Variants in AHI1 observed in about 807,000 individuals in gnomAD.
The protein encoded by AHI1 is jouberin.
Under a neutral mutation model 149.3 loss-of-function variants are expected in AHI1, and 123 were observed. That is an observed-to-expected ratio of 0.82 (90% CI 0.71 to 0.96). The LOEUF is 0.96. Among genes scored for constraint, AHI1 ranks in the 40% least tolerant of loss-of-function variants. The pLI is 0.00. For missense variants in AHI1, 1,439 were observed against 1,422.7 expected, an observed-to-expected ratio of 1.01 and a Z score of -0.18; for synonymous variants, 475 against 459.8, an observed-to-expected ratio of 1.03 and a Z score of -0.42.
At position 135,433,146 on chromosome 6, in the gene AHI1, CCTGTAACTACTAGCT is replaced by C. The variant is rs1305959685; in HGVS notation, c.2132_2146del (p.Glu711_Thr715del). ...TATCCGTATCATGGAATCATAGCAT[CCTGTAACTACTAGCT>C]CTCTTACAGCTGGATGGAATTTAGC... is the stretch of plus-strand genomic sequence containing the variant. On this transcript the variant is annotated inframe_deletion, in exon 16 of 29. Coordinates refer to ENST00000265602, the MANE Select transcript of AHI1 (RefSeq NM_001134831.2). 1.9e-6 allele frequency: 3 copies of C among 1,613,016 alleles called. No homozygotes were observed. The African/African-American group carries it at 4.0e-5, about 22-fold the overall frequency.
Position 135,283,561 on chromosome 6 carries a change from C to T in AHI1, c.*2084G>A, listed in dbSNP as rs1329548132. 1 of 152,124 alleles carries T rather than the reference C, an allele frequency of 6.6e-6. No homozygotes were observed. The highest frequency in any genetic ancestry group is 1.5e-5 in the Non-Finnish European group (1 of 68,020). 9.4% of individuals were successfully genotyped at this position (152,124 alleles called of 1,614,324 possible). A position where few individuals can be genotyped will look rare whatever the true frequency, so the allele number is the denominator to read the frequency against. On this transcript the variant is annotated 3_prime_UTR_variant, in exon 29 of 29. Transcript: ENST00000265602. ...TTATAAGGAAATGTTTAATGCCGTA[C>T]ATCATCAAATGGATTCTGGTGTCTG...
At chr6:135,326,162 C>T (rs1787649555) in intron 24 of AHI1, among the ~76,000 whole-genome samples, 1 of 152,198 alleles carries the variant, frequency 6.6e-6, no homozygotes, top group Admixed American at 6.5e-5. Context: ...TGAATTGTGT[C>T]ACTCAAAATT....
chr6:135,404,884 G>A, intron 22 of AHI1, 67 bp downstream of exon 22: 1 of 1,388,656 alleles, frequency 7.2e-7, no homozygotes, highest in Non-Finnish European at 1.0e-6. Flanking sequence ...TATGAATGGT[G>A]CATTCCAGTT....
chr6:135,353,396 C>T (rs1316415200), intron 24 of AHI1, among the ~76,000 whole-genome samples: 1 of 152,018 alleles, frequency 6.6e-6, no homozygotes, highest in Non-Finnish European at 1.5e-5. Context: ...AGTTTACATA[C>T]TATGAATTCT....
chr6:135,322,209 G>A (rs1476649324), intron 25 of AHI1, among the ~76,000 whole-genome samples: 1 of 152,200 alleles, frequency 6.6e-6, no homozygotes, highest in Non-Finnish European at 1.5e-5. Context: ...TAACTGGGGC[G>A]TATGAGTGTA....
At chr6:135,322,327 C>T (rs1166988168) in intron 25 of AHI1, among the ~76,000 whole-genome samples, 1 of 152,208 alleles carries the variant, frequency 6.6e-6, no homozygotes, top group African/African-American at 2.4e-5. Flanking sequence ...TCTCAAGAAG[C>T]ACTACTGTAC....
At chr6:135,363,556 C>G (rs1794274224) in intron 23 of AHI1, among the ~76,000 whole-genome samples, 2 of 152,144 alleles carry the variant, frequency 1.3e-5, no homozygotes, top group African/African-American at 4.8e-5. Context: ...TCTCAATGAG[C>G]TGTTGGGTAC....
chr6:135,336,720 T>C (rs1177833307), intron 24 of AHI1, among the ~76,000 whole-genome samples: 5 of 152,170 alleles, frequency 3.3e-5, no homozygotes, highest in Admixed American at 1.3e-4. Flanking sequence ...CAGACCTCAG[T>C]TGGGTTTTCT....
chr6:135,428,755 C>T lies in AHI1; in HGVS notation c.2497G>A (p.Val833Ile), dbSNP rs760822611. The T allele has an allele frequency of 1.3e-6, 2 of 1,599,828 alleles. No homozygotes were observed. Among genetic ancestry groups the T allele is most frequent in the African/African-American group, 1.3e-5 (1 of 74,550 alleles). ...GCTGCTCCTACAAACTTCCTTGCTA[C>T]TAATCTACAAGCAAAAAAGATTTTA... ...TLRIMDLRILVARKFVGAANY... is the reference protein window; with the variant it reads ...TLRIMDLRILIARKFVGAANY... Residue 833 changes from valine (V) to isoleucine (I), a missense_variant, in exon 19 of 29, where the codon GTA (valine) becomes ATA (isoleucine). Val to Ile is a conservative substitution (Grantham distance 29). Transcript: ENST00000265602.
intron 23 of AHI1, among the ~76,000 whole-genome samples, chr6:135,382,954 T>TATATATATATAC (rs770394314): frequency 2.0e-5 from 2 of 100,050 alleles, no homozygotes; most frequent in African/African-American, 8.7e-5. Context: ...TATATATATA[T>TATATATATATAC]ACATATAAAA....
intron 27 of AHI1, among the ~76,000 whole-genome samples, chr6:135,293,429 A>AAAAGAAAG (rs1378022445): frequency 3.8e-5 from 5 of 131,926 alleles, no homozygotes; most frequent in African/African-American, 1.2e-4. Context: ...AAAAAAGAAA[A>AAAAGAAAG]AAAGAAAGAA....
rs1280819225 is a variant in AHI1 at position 135,284,370 on chromosome 6, C to T, written c.*1275G>A. 1 of 152,174 alleles carries T rather than the reference C, an allele frequency of 6.6e-6. No homozygotes were observed. The highest frequency in any genetic ancestry group is 2.4e-5 in the African/African-American group (1 of 41,440). 9.4% of individuals were successfully genotyped at this position (152,174 alleles called of 1,614,324 possible). On this transcript the variant is annotated 3_prime_UTR_variant, in exon 29 of 29. Coordinates refer to ENST00000265602, the MANE Select transcript of AHI1 (RefSeq NM_001134831.2). Reference sequence around the variant, plus strand: ...TCAATGCCCAACATTGTTTTTCTCACTTCTTATTTTAATGGAATTGACTGT... The same window carrying T: ...TCAATGCCCAACATTGTTTTTCTCATTTCTTATTTTAATGGAATTGACTGT...
At chr6:135,428,264 T>C (rs1156578333) in intron 19 of AHI1, among the ~76,000 whole-genome samples, 2 of 151,666 alleles carry the variant, frequency 1.3e-5, no homozygotes, top group Non-Finnish European at 3.0e-5. Flanking sequence ...AATATAGATG[T>C]TTAACAATTT....
Position 135,448,328 on chromosome 6 carries a change from G to T in AHI1, c.1588C>A (p.Leu530Met), listed in dbSNP as rs1201471547. 1.9e-6 allele frequency: 3 copies of T among 1,610,654 alleles called. No homozygotes were observed. The highest frequency in any genetic ancestry group is 2.5e-6 in the Non-Finnish European group (3 of 1,177,896). The change falls in exon 12 of 29, where the codon CTG becomes ATG. Residue 530 changes from leucine (L) to methionine (M), a missense_variant. By Grantham distance (15) the Leu-to-Met change is conservative (BLOSUM62 2). Coordinates refer to ENST00000265602, the MANE Select transcript of AHI1 (RefSeq NM_001134831.2). ...KCPRNHYPST[L>M]YVTVRGLKVP... ...TTCAGTCCTCTTACAGTTACGTACA[G>T]TGTTGATGGGTAATGATTTCTTGGA...
At chr6:135,469,022 C>T (rs756338879) in intron 5 of AHI1, among the ~76,000 whole-genome samples, 21 of 152,070 alleles carry the variant, frequency 1.4e-4, no homozygotes, top group Non-Finnish European at 2.6e-4. Flanking sequence ...CAGCATCATC[C>T]GGATACCAAA....
At chr6:135,448,221 A>G (rs1583281802) in intron 12 of AHI1, 69 bp downstream of exon 12, 1 of 1,151,010 alleles carries the variant, frequency 8.7e-7, no homozygotes, top group Non-Finnish European at 1.1e-6. Context: ...TTAGAAATGA[A>G]AAACATGCTA....
intron 23 of AHI1, among the ~76,000 whole-genome samples, chr6:135,368,921 GA>G (rs1774609775): frequency 6.6e-6 from 1 of 152,228 alleles, no homozygotes; most frequent in East Asian, 1.9e-4. Flanking sequence ...CCCTCCTTTG[GA>G]TTCTGTCCAG....
At chr6:135,467,548 C>T (rs1404902352) in intron 6 of AHI1, 33 bp downstream of exon 6, 3 of 1,564,156 alleles carry the variant, frequency 1.9e-6, no homozygotes, top group Non-Finnish European at 2.6e-6. Context: ...CTCTCATGCT[C>T]TTCTTCAGGC....
rs1782375210 is a variant in AHI1 at position 135,416,344 on chromosome 6, A to AT, written c.2765-4801dup. Among the ~76,000 whole-genome samples, 3 of 151,974 alleles carry AT rather than the reference A, an allele frequency of 2.0e-5. No homozygotes were observed. The South Asian group carries it at 6.2e-4, about 31-fold the overall frequency. ...TAACTTCACTAAAAATTAATTAGTA[A>AT]TAAAAATGCAAATTAGAAAGTGCCT... On this transcript the variant is annotated intron_variant, in intron 20 of 28. Coordinates refer to ENST00000265602, the MANE Select transcript of AHI1 (RefSeq NM_001134831.2).
Sources: gnomAD v4.1 joint callset for allele counts (sites outside exome capture counted in the v4.1 genomes callset) on GRCh38, gnomAD v4.1.1 for gene constraint, MANE v1.5 for transcripts, NCBI Gene and HGNC (gene_info 2026-07-23, HGNC 2026-07-21) for gene names.